The following SREBF2 variants were observed in gnomAD, a reference collection of about 807,000 sequenced individuals.
SREBF2 encodes the protein sterol regulatory element binding transcription factor 2, also known as sterol regulatory element-binding protein 2.
A neutral mutation model predicts 113.1 loss-of-function variants in SREBF2; 55 were observed. The ratio of observed to expected loss-of-function variants is 0.49; its 90% CI spans 0.39 to 0.61. The LOEUF (loss-of-function observed/expected upper bound fraction) is 0.61, where lower values mean the gene tolerates loss of function less well. Ranked by LOEUF, SREBF2 falls within the 20% of genes least tolerant of loss-of-function variation. The probability of loss-of-function intolerance (pLI) is 0.00; values close to 1 mark genes in which losing one functional copy is unlikely to be tolerated. For missense variants in SREBF2, 1,349 were observed against 1,487.4 expected, an observed-to-expected ratio of 0.91 and a Z score of 1.53; for synonymous variants, 593 against 605.7, an observed-to-expected ratio of 0.98 and a Z score of 0.31.
rs776492961 is a variant in SREBF2, at chr22:41,903,018, C to A, written c.2956C>A (p.Leu986Ile). Residue 986 changes from leucine to isoleucine, a missense_variant, in exon 17 of 19, where the codon CTC becomes ATC. Physicochemically the swap from Leu to Ile is conservative, Grantham distance 5. Around this residue, in one of 2 missense-constraint regions of SREBF2, gnomAD observed 650 missense variants for 644.1 expected, o/e 1.01. Coordinates refer to ENST00000361204, the MANE Select transcript of SREBF2 (RefSeq NM_004599.4). ...CCTGCTACTGTCGCTACGGACAGCG[C>A]TCTGGCAAAAACAGGCCAGTGCCAG... ...CDLLLSLRTA[L>I]WQKQASASQA... The A allele has an allele frequency of 1.2e-6, 2 of 1,611,268 alleles. No individual in the cohort carries two copies. The highest frequency in any genetic ancestry group is 1.3e-5 in the African/African-American group (1 of 74,904).
intron 5 of SREBF2, among the ~76,000 whole-genome samples, chr22:41,874,796 A>G (rs1019114496): frequency 1.3e-5 from 2 of 152,210 alleles, no homozygotes; most frequent in African/African-American, 2.4e-5. Context: ...AATCCCAGCT[A>G]CTTGGAAGGC....
chr22:41,849,031 T>C (rs1032934122), intron 1 of SREBF2, among the ~76,000 whole-genome samples: 1 of 152,218 alleles, frequency 6.6e-6, no homozygotes, highest in African/African-American at 2.4e-5. Context: ...TTAAACTTTG[T>C]ATATGAATAT....
intron 17 of SREBF2, among the ~76,000 whole-genome samples, chr22:41,903,440 C>T (rs933622321): frequency 3.3e-5 from 5 of 152,242 alleles, no homozygotes; most frequent in South Asian, 4.1e-4. Context: ...GGAGCTGTGC[C>T]TCCCCAGGCA....
At chr22:41,899,963 C>G (rs1390652259) in intron 15 of SREBF2, 4 of 1,196,838 alleles carry the variant, frequency 3.3e-6, no homozygotes, top group Non-Finnish European at 4.2e-6. Context: ...TACCACATCT[C>G]TGGGGGGGTG....
chr22:41,840,739 G>A (rs1328719241), intron 1 of SREBF2, among the ~76,000 whole-genome samples: 2 of 152,110 alleles, frequency 1.3e-5, no homozygotes, highest in Non-Finnish European at 2.9e-5. Context: ...GGAAGCTTTT[G>A]GGATCCTGTC....
chr22:41,856,461 G>T (rs2076978808), intron 1 of SREBF2, among the ~76,000 whole-genome samples: 1 of 152,116 alleles, frequency 6.6e-6, no homozygotes, highest in South Asian at 2.1e-4. Flanking sequence ...AATCACAATT[G>T]AGTTCAAGAA....
rs1343875177 is a variant in SREBF2, at chr22:41,897,156, C to T, written c.2600C>T (p.Ala867Val). The T allele has an allele frequency of 6.2e-7, 1 of 1,609,962 alleles. No homozygotes were observed. Among genetic ancestry groups the T allele is most frequent in the South Asian group, 1.1e-5 (1 of 90,660 alleles). ...TCCAGGAGCTCCGTGCTCAAGTCCGCCCTGGGTAAGCACCTGCGGGTGGCC... is the reference window on the plus strand; with the variant it reads ...TCCAGGAGCTCCGTGCTCAAGTCCGTCCTGGGTAAGCACCTGCGGGTGGCC... ...PLSRSSVLKS[A>V]LGPDIICRWW... The change falls in exon 14 of 19, where the codon GCC (alanine) becomes GTC (valine). Residue 867 changes from alanine (A) to valine (V), a missense_variant. Transcript: ENST00000361204.
At chr22:41,849,744 A>G (rs2076909799) in intron 1 of SREBF2, among the ~76,000 whole-genome samples, 1 of 152,220 alleles carries the variant, frequency 6.6e-6, no homozygotes, top group South Asian at 2.1e-4. Flanking sequence ...TGTAAAATAC[A>G]GCCAGTCAAA....
rs542911768 is a variant in SREBF2 at position 41,851,741 on chromosome 22, C to T, written c.89-15090C>T. On this transcript the variant is annotated intron_variant, in intron 1 of 18. Transcript: ENST00000361204. ...AACTCCTGACTGCAGGTGATCCACC[C>T]GCCTCGGCCTCCCAAAGTGCTGGTA... Among the ~76,000 whole-genome samples the T allele has an allele frequency of 5.3e-5, 8 of 151,996 alleles. No individual in the cohort carries two copies. In the East Asian group the frequency reaches 5.9e-4, roughly 11 times the overall value.
chr22:41,869,026 G>T (rs769455165), intron 3 of SREBF2, among the ~76,000 whole-genome samples: 4 of 152,242 alleles, frequency 2.6e-5, no homozygotes, highest in Admixed American at 6.5e-5. Flanking sequence ...CATGTAATGG[G>T]CATAAAACTG....
chr22:41,900,900 C>T (rs761993474), intron 16 of SREBF2: 29 of 528,686 alleles, frequency 5.5e-5, no homozygotes, highest in Non-Finnish European at 9.2e-5. Flanking sequence ...CTGAAGACCA[C>T]CCTGGGCACC....
At chr22:41,905,103 T>A (rs1016340330) in intron 18 of SREBF2, 129 bp downstream of exon 18, 1 of 951,296 alleles carries the variant, frequency 1.1e-6, no homozygotes, top group Middle Eastern at 3.3e-4. Flanking sequence ...TCTCTGAGAA[T>A]GAAAGAAGCC....
At chr22:41,899,304 C>T (rs996980913) in intron 15 of SREBF2, 2 of 1,039,848 alleles carry the variant, frequency 1.9e-6, no homozygotes, top group African/African-American at 1.7e-5. Flanking sequence ...TAGCACATGG[C>T]ATAACCGGAG....
In SREBF2 at chr22:41,894,825, C is replaced by T; in HGVS notation, c.2383C>T (p.Pro795Ser). ...LYCAQRNPAD[P>S]IAQVHQAFCK... Reference sequence around the variant, plus strand: ...CTTGCCTGTCTCTTTTCCAGCTGACCCCATTGCGCAGGTCCACCAGGCCTT... The same window carrying T: ...CTTGCCTGTCTCTTTTCCAGCTGACTCCATTGCGCAGGTCCACCAGGCCTT... The change falls in exon 13 of 19, where the codon CCC (proline) becomes TCC (serine). Residue 795 changes from proline (P) to serine (S), a missense_variant. Pro to Ser is a moderately conservative substitution (Grantham distance 74). Around this residue, in one of 2 missense-constraint regions of SREBF2, gnomAD observed 650 missense variants for 644.1 expected, o/e 1.01. Transcript: ENST00000361204. 2 of 1,614,056 alleles carry T rather than the reference C, an allele frequency of 1.2e-6. No individual in the cohort carries two copies. The highest frequency in any genetic ancestry group is 1.7e-6 in the Non-Finnish European group (2 of 1,179,960).
intron 1 of SREBF2, among the ~76,000 whole-genome samples, chr22:41,852,300 T>C (rs985902752): frequency 7.2e-5 from 11 of 152,136 alleles, no homozygotes; most frequent in Non-Finnish European, 4.4e-5. Flanking sequence ...GTTTGGATTA[T>C]TCCCATATTT....
chr22:41,867,180 A>G lies in SREBF2; in HGVS notation c.438A>G (p.Gln146=). 1.2e-6 allele frequency: 2 copies of G among 1,614,164 alleles called. No individual in the cohort carries two copies. The highest frequency in any genetic ancestry group is 1.7e-6 in the Non-Finnish European group (2 of 1,180,032). The change falls in exon 2 of 19, where the codon CAA becomes CAG. Residue 146 remains glutamine, a synonymous_variant. Coordinates refer to ENST00000361204, the MANE Select transcript of SREBF2 (RefSeq NM_004599.4). ...AGCCTCAACCTCAAACTCAGCTGCA[A>G]CAACAGACGGTAATGATCACGCCAA... ...QPQPQPQTQL[Q]QQTVMITPTF...
At chr22:41,864,542 G>A (rs1255980865) in intron 1 of SREBF2, among the ~76,000 whole-genome samples, 5 of 150,734 alleles carry the variant, frequency 3.3e-5, no homozygotes, top group South Asian at 4.2e-4. Context: ...GGATGGTCTC[G>A]ATCTCCTGAC....
chr22:41,896,185 C>T (rs971475877), intron 13 of SREBF2, among the ~76,000 whole-genome samples: 4 of 151,796 alleles, frequency 2.6e-5, no homozygotes, highest in Admixed American at 1.3e-4. Flanking sequence ...GTGACGAGCT[C>T]AGCAGAAGGC....
At position 41,866,960 on chromosome 22, in the gene SREBF2, G is replaced by A; in HGVS notation, c.218G>A (p.Ser73Asn). 1 of 1,614,156 alleles carries A rather than the reference G, an allele frequency of 6.2e-7. No individual in the cohort carries two copies. Residue 73 changes from serine to asparagine, a missense_variant, in exon 2 of 19, where the codon AGC becomes AAC. By Grantham distance (46) the Ser-to-Asn change is conservative. Transcript: ENST00000361204. ...GGCAGCAGTGGCAGCAGCAGCAGCA[G>A]CAGCAATGGCAGGGGCAGCAGCAGC... Reference protein sequence around the residue: ...SSGSSGSSSSSSNGRGSSSGA... With the variant: ...SSGSSGSSSSNSNGRGSSSGA...
Sources: gnomAD v4.1 joint callset for allele counts (sites outside exome capture counted in the v4.1 genomes callset) on GRCh38, gnomAD v4.1.1 for gene constraint, gnomAD v4.1.1 regional missense constraint, MANE v1.5 for transcripts, NCBI Gene and HGNC (gene_info 2026-07-23, HGNC 2026-07-21) for gene names.